The following HDGFL3 variants were observed in gnomAD, a reference collection of about 807,000 sequenced individuals.
HDGFL3 encodes hepatoma-derived growth factor-related protein 3.
A neutral mutation model predicts 27.6 loss-of-function variants in HDGFL3; 6 were observed. The observed-to-expected ratio is 0.22, with a 90% CI of 0.12 to 0.43. The LOEUF (loss-of-function observed/expected upper bound fraction) is 0.43. HDGFL3 is among the 20% of genes least tolerant of loss of function. The pLI, the probability that HDGFL3 is intolerant of heterozygous loss-of-function variation, is 1.00. For synonymous variants in HDGFL3, 88 were observed against 88.9 expected, an observed-to-expected ratio of 0.99 and a Z score of 0.05; for missense variants, 207 against 250.1, an observed-to-expected ratio of 0.83 and a Z score of 1.16.
intron 1 of HDGFL3, among the ~76,000 whole-genome samples, chr15:83,166,430 C>T (rs149778518): frequency 9.6e-4 from 146 of 152,276 alleles, no homozygotes; most frequent in African/African-American, 3.5e-3. Context: ...TTCGTTACTA[C>T]TAGACCAGCC....
rs890705182 is a variant in HDGFL3 at position 83,151,478 on chromosome 15, T to C, written c.460-117A>G. 2.0e-5 allele frequency: 16 copies of C among 796,396 alleles called. No individual in the cohort carries two copies. In the Admixed American group the frequency reaches 3.6e-4, roughly 18 times the overall value. The allele number at this position is 796,396 out of a possible 1,614,324, so 49.3% of individuals were successfully genotyped here. On this transcript the variant is annotated intron_variant, in intron 4 of 5. Transcript: ENST00000299633. ...TAGTTTTAGTGGTTGATAGAGGATA[T>C]ACTGACACAACATGTAGTATGCCAA...
chr15:83,166,615 A>T (rs1328251701), intron 1 of HDGFL3, among the ~76,000 whole-genome samples: 1 of 152,220 alleles, frequency 6.6e-6, no homozygotes, highest in Admixed American at 6.5e-5. Flanking sequence ...AACCCGAGAC[A>T]GGGTAATTTA....
intron 2 of HDGFL3, among the ~76,000 whole-genome samples, chr15:83,161,445 A>G (rs780730750): frequency 1.3e-5 from 2 of 152,150 alleles, no homozygotes; most frequent in Non-Finnish European, 2.9e-5. Flanking sequence ...ACAGGCATGA[A>G]CCACTGCACT....
rs1829073332 is a variant in HDGFL3, at chr15:83,129,654, A to C, written c.*9616T>G. 1 of 152,236 alleles carries C rather than the reference A, an allele frequency of 6.6e-6. No individual in the cohort carries two copies. The allele number at this position is 152,236 out of a possible 1,614,324, so 9.4% of individuals were successfully genotyped here. A position where few individuals can be genotyped will look rare whatever the true frequency, so the allele number is the denominator to read the frequency against. ...GTTATCTCACCCACCCCATGCAAAC[A>C]ATGAACTATGGCACAGAGTCCTACA... On this transcript the variant is annotated 3_prime_UTR_variant, in exon 6 of 6. Transcript: ENST00000299633.
intron 1 of HDGFL3, chr15:83,184,615 C>G (rs2037418058): frequency 6.6e-6 from 1 of 152,128 alleles, no homozygotes; most frequent in Admixed American, 6.6e-5. Flanking sequence ...CTTTCCCATT[C>G]TTTATGAATC....
chr15:83,119,598 C>T lies in HDGFL3; in HGVS notation c.394-3857G>A, dbSNP rs529704524. Reference sequence around the variant, plus strand: ...TTTAGGGTGAACCGTATCTGAACACCGCATATGGGCACATGATCTGCTACT... The same window carrying T: ...TTTAGGGTGAACCGTATCTGAACACTGCATATGGGCACATGATCTGCTACT... On this transcript the variant is annotated intron_variant, in intron 3 of 3. Transcript: ENST00000568294. The T allele has an allele frequency of 2.6e-4, 418 of 1,614,128 alleles. 4 individuals are homozygous for T. The South Asian group carries it at 4.1e-3, about 16-fold the overall frequency.
chr15:83,207,191 G>T lies in HDGFL3; in HGVS notation c.84+140C>A. 2.0e-6 allele frequency: 1 copy of T among 488,986 alleles called. No homozygotes were observed. The highest frequency in any genetic ancestry group is 3.2e-6 in the Non-Finnish European group (1 of 309,908). 30.3% of individuals were successfully genotyped at this position (488,986 alleles called of 1,614,324 possible). A position where few individuals can be genotyped will look rare whatever the true frequency, so the allele number is the denominator to read the frequency against. ...TCAGCCCCGGCCCGGTCTTCTTCGT[G>T]CCGCGCCGCCCTCAGCCCTCACCAC... On this transcript the variant is annotated intron_variant, in intron 1 of 5. Coordinates refer to ENST00000299633, the MANE Select transcript of HDGFL3 (RefSeq NM_016073.4). This position sits in a 1 kb window ranked among gnomAD's most constrained non-coding sequence, Gnocchi z 4.8.
intron 1 of HDGFL3, among the ~76,000 whole-genome samples, chr15:83,200,908 T>C (rs1842487874): frequency 6.6e-6 from 1 of 150,756 alleles, no homozygotes; most frequent in African/African-American, 2.4e-5. Flanking sequence ...ACCATACAGA[T>C]GGTTATTTAC....
At chr15:83,117,429 T>A (rs566234581) in intron 3 of HDGFL3, among the ~76,000 whole-genome samples, 1 of 151,430 alleles carries the variant, frequency 6.6e-6, no homozygotes. Context: ...TATGAGAAGG[T>A]AGAGAGAGAA....
At chr15:83,121,546 TATA>T (rs1286321673) in intron 3 of HDGFL3, among the ~76,000 whole-genome samples, 5 of 152,180 alleles carry the variant, frequency 3.3e-5, no homozygotes, top group African/African-American at 1.2e-4. Context: ...AACTCATACT[TATA>T]ATGATTAAAA....
intron 1 of HDGFL3, among the ~76,000 whole-genome samples, chr15:83,187,305 T>C (rs1053433829): frequency 6.6e-6 from 1 of 152,082 alleles, no homozygotes; most frequent in African/African-American, 2.4e-5. Flanking sequence ...ATATACATAA[T>C]CATATACAAA....
At chr15:83,119,752 A>T (rs2035048178) in intron 3 of HDGFL3, 1 of 1,603,668 alleles carries the variant, frequency 6.2e-7, no homozygotes, top group South Asian at 1.1e-5. Context: ...AGGAAACGTT[A>T]TGCATAGAGG....
At chr15:83,153,752 CTATG>C (rs2036992427) in intron 4 of HDGFL3, among the ~76,000 whole-genome samples, 1 of 151,970 alleles carries the variant, frequency 6.6e-6, no homozygotes, top group Non-Finnish European at 1.5e-5. Flanking sequence ...TATTTTTGAC[CTATG>C]ATTTTCCAGT....
rs192025547 is a variant in HDGFL3 at position 83,127,800 on chromosome 15, T to G, written c.*11470A>C. 5.9e-4 allele frequency: 165 copies of G among 281,394 alleles called. 1 individual carries two copies. Among genetic ancestry groups the G allele is most frequent in the African/African-American group, 3.6e-3 (156 of 43,564 alleles). 17.4% of individuals were successfully genotyped at this position (281,394 alleles called of 1,614,324 possible). ...ACTGTTTCACAATCTCTGAATACCA[T>G]GGCTACTAAAAAAGGATTGAGAGCT... On this transcript the variant is annotated 3_prime_UTR_variant, in exon 6 of 6. Coordinates refer to ENST00000299633, the MANE Select transcript of HDGFL3 (RefSeq NM_016073.4).
chr15:83,182,989 G>A (rs1225032482), intron 1 of HDGFL3, among the ~76,000 whole-genome samples: 2 of 152,162 alleles, frequency 1.3e-5, no homozygotes, highest in East Asian at 1.9e-4. Context: ...CAACTTTTGT[G>A]TATATTTGAG....
At chr15:83,185,917 T>C (rs2037435771) in intron 1 of HDGFL3, 1 of 152,294 alleles carries the variant, frequency 6.6e-6, no homozygotes, top group African/African-American at 2.4e-5. Flanking sequence ...CTCTCTTGCT[T>C]GTCCGCTCTG....
chr15:83,116,857 C>T (rs1475216903), intron 3 of HDGFL3, among the ~76,000 whole-genome samples: 1 of 152,146 alleles, frequency 6.6e-6, no homozygotes. Flanking sequence ...CTGATTCCTG[C>T]TTTGGAATTT....
intron 1 of HDGFL3, among the ~76,000 whole-genome samples, chr15:83,187,680 G>A (rs1029469624): frequency 3.9e-4 from 59 of 151,960 alleles, no homozygotes; most frequent in African/African-American, 7.5e-4. Context: ...CCTAAGGTCC[G>A]GAGTTCGAGA....
intron 4 of HDGFL3, among the ~76,000 whole-genome samples, chr15:83,155,983 G>A (rs1015635595): frequency 1.3e-5 from 2 of 152,118 alleles, no homozygotes; most frequent in Non-Finnish European, 2.9e-5. Flanking sequence ...CTTTCAATTT[G>A]TAAATCTAGG....
Sources: gnomAD v4.1 joint callset for allele counts (sites outside exome capture counted in the v4.1 genomes callset) on GRCh38, gnomAD v4.1.1 for gene constraint, Gnocchi (gnomAD v3.1) non-coding constraint, MANE v1.5 for transcripts, NCBI Gene and HGNC (gene_info 2026-07-23, HGNC 2026-07-21) for gene names.